TPD52L1: variants seen among roughly 807,000 people sequenced by gnomAD.
The protein encoded by TPD52L1 is tumor protein D53.
TPD52L1 carries 18 observed loss-of-function variants against 28.7 expected under a neutral mutation model. The ratio of observed to expected loss-of-function variants is 0.63; its 90% CI spans 0.43 to 0.93. TPD52L1 has a LOEUF of 0.93. Ranked by LOEUF, TPD52L1 falls within the 40% of genes least tolerant of loss-of-function variation. The pLI, the probability that TPD52L1 is intolerant of heterozygous loss-of-function variation, is 0.00. For missense variants in TPD52L1, 203 were observed against 254.8 expected, an observed-to-expected ratio of 0.80 and a Z score of 1.39; for synonymous variants, 75 against 88.8, an observed-to-expected ratio of 0.84 and a Z score of 0.88.
intron 1 of TPD52L1, among the ~76,000 whole-genome samples, chr6:125,207,104 TC>T (rs1220528532): frequency 6.6e-6 from 1 of 152,158 alleles, no homozygotes; most frequent in Non-Finnish European, 1.5e-5. Flanking sequence ...GTTGATCAAG[TC>T]CTATCAGAAA....
At chr6:125,168,135 A>G (rs1791027993) in intron 1 of TPD52L1, among the ~76,000 whole-genome samples, 1 of 152,148 alleles carries the variant, frequency 6.6e-6, no homozygotes, top group Admixed American at 6.5e-5. Context: ...AATGGAGAGC[A>G]ACAGTAGAAA....
At chr6:125,240,852 C>G (rs1462945454) in intron 3 of TPD52L1, among the ~76,000 whole-genome samples, 1 of 152,000 alleles carries the variant, frequency 6.6e-6, no homozygotes, top group Non-Finnish European at 1.5e-5. Context: ...GCTAAGACTT[C>G]CTGTACTATA....
Position 125,165,325 on chromosome 6 carries a change from G to A in TPD52L1, c.19+11355G>A, listed in dbSNP as rs1426924491. ...TGAGAAGCATTGTTAATGTACCAGG[G>A]AAGGCAGGAGAATATTTTAATGAAT... On this transcript the variant is annotated intron_variant, in intron 1 of 6. Transcript: ENST00000534000. Among the ~76,000 whole-genome samples the A allele has an allele frequency of 2.6e-5, 4 of 151,990 alleles. No individual in the cohort carries two copies. The East Asian group carries it at 7.7e-4, about 29-fold the overall frequency.
intron 1 of TPD52L1, among the ~76,000 whole-genome samples, chr6:125,191,971 A>G (rs2114861247): frequency 6.6e-6 from 1 of 152,368 alleles, no homozygotes; most frequent in African/African-American, 2.4e-5. Context: ...GAACAAAATT[A>G]TGAATGAAGG....
At chr6:125,172,606 A>T (rs1437626585) in intron 1 of TPD52L1, among the ~76,000 whole-genome samples, 1 of 110,976 alleles carries the variant, frequency 9.0e-6, no homozygotes, top group Non-Finnish European at 1.7e-5. Context: ...TATATATATA[A>T]ATATATATAA....
intron 6 of TPD52L1, chr6:125,261,014 GAAA>G (rs1562411790): frequency 1.4e-4 from 6 of 43,052 alleles, no homozygotes; most frequent in African/African-American, 9.6e-4. Context: ...AAGAAAGAAA[GAAA>G]GAAAAGAAAA....
At chr6:125,223,708 CAAAAAAAAAAAAA>C (rs11294390) in intron 2 of TPD52L1, among the ~76,000 whole-genome samples, 3 of 71,502 alleles carry the variant, frequency 4.2e-5, no homozygotes, top group African/African-American at 9.1e-5. Context: ...GATTCCATCT[CAAAAAAAAAAAAA>C]AAAAAAAAAA....
chr6:125,250,213 G>A (rs1797179847), intron 4 of TPD52L1, among the ~76,000 whole-genome samples: 1 of 152,170 alleles, frequency 6.6e-6, no homozygotes, highest in Non-Finnish European at 1.5e-5. Flanking sequence ...AACTAGAATA[G>A]TGCTTCTGCA....
chr6:125,250,110 A>G (rs1797174001), intron 4 of TPD52L1, among the ~76,000 whole-genome samples: 1 of 152,174 alleles, frequency 6.6e-6, no homozygotes, highest in Non-Finnish European at 1.5e-5. Flanking sequence ...TATACCCAAG[A>G]AAACATATTT....
chr6:125,202,864 C>G (rs938295965), intron 1 of TPD52L1, among the ~76,000 whole-genome samples: 6 of 151,138 alleles, frequency 4.0e-5, no homozygotes, highest in African/African-American at 1.5e-4. Flanking sequence ...CTCCCCGGTT[C>G]AAGCAATTCT....
intron 1 of TPD52L1, among the ~76,000 whole-genome samples, chr6:125,177,015 G>C (rs953151091): frequency 1.3e-5 from 2 of 152,194 alleles, no homozygotes; most frequent in Non-Finnish European, 2.9e-5. Context: ...TCCAGCCTGG[G>C]AGACAGAGCC....
intron 4 of TPD52L1, chr6:125,248,601 G>C: frequency 4.0e-6 from 2 of 500,076 alleles, no homozygotes; most frequent in South Asian, 5.6e-5. Context: ...CAGAGTTGCT[G>C]TTTCTACTAG....
Position 125,153,782 on chromosome 6 carries a change from T to C in TPD52L1, c.-170T>C. 3 of 654,100 alleles carry C rather than the reference T, an allele frequency of 4.6e-6. No individual in the cohort carries two copies. Among genetic ancestry groups the C allele is most frequent in the Non-Finnish European group, 4.9e-6 (2 of 405,172 alleles). 40.5% of individuals were successfully genotyped at this position (654,100 alleles called of 1,614,324 possible). ...AGGGGCGGAGGTAACCAGAAGCGGC[T>C]AGTGGCGGCTGCCTGCGTCCCCAAC... is the stretch of plus-strand genomic sequence containing the variant. On this transcript the variant is annotated 5_prime_UTR_variant, in exon 1 of 7. Coordinates refer to ENST00000534000, the MANE Select transcript of TPD52L1 (RefSeq NM_003287.4).
chr6:125,244,860 G>A (rs1340346397), intron 3 of TPD52L1, among the ~76,000 whole-genome samples: 2 of 152,126 alleles, frequency 1.3e-5, no homozygotes, highest in African/African-American at 4.8e-5. Flanking sequence ...TCCCACCACT[G>A]GAAAGATTTG....
intron 1 of TPD52L1, among the ~76,000 whole-genome samples, chr6:125,174,838 G>T (rs1039007928): frequency 1.3e-5 from 2 of 152,154 alleles, no homozygotes; most frequent in African/African-American, 4.8e-5. Context: ...GGAGTGCAAA[G>T]TGCATGGGGA....
intron 1 of TPD52L1, among the ~76,000 whole-genome samples, chr6:125,158,430 T>C (rs560610776): frequency 4.7e-4 from 72 of 152,230 alleles, no homozygotes; most frequent in Non-Finnish European, 7.9e-4. Context: ...CTTTACATTA[T>C]ACTTTATACC....
chr6:125,231,129 G>C (rs1795924286), intron 3 of TPD52L1: 1 of 152,228 alleles, frequency 6.6e-6, no homozygotes, highest in Admixed American at 6.5e-5. Context: ...GGTCACCTCT[G>C]TATTTAATCC....
Position 125,225,661 on chromosome 6 carries a change from TAAAAGG to T in TPD52L1, c.136-3451_136-3446del, listed in dbSNP as rs533124489. On this transcript the variant is annotated intron_variant, in intron 2 of 6. Coordinates refer to ENST00000534000, the MANE Select transcript of TPD52L1 (RefSeq NM_003287.4). ...TTTGCAATGCAGAAATAATTAAAAT[TAAAAGG>T]AAAAGATATATTAAATACTTTAATT... Among the ~76,000 whole-genome samples, 512 of 152,304 alleles carry T rather than the reference TAAAAGG, an allele frequency of 3.4e-3. 4 individuals are homozygous for T. The highest frequency in any genetic ancestry group is 0.024 in the Middle Eastern group (7 of 294).
chr6:125,227,258 T>G (rs1795666915), intron 2 of TPD52L1, among the ~76,000 whole-genome samples: 1 of 152,250 alleles, frequency 6.6e-6, no homozygotes, highest in African/African-American at 2.4e-5. Flanking sequence ...CTGCTTGTTT[T>G]GCTTACGTGA....
Sources: allele counts gnomAD v4.1 joint callset (sites outside exome capture counted in the v4.1 genomes callset), GRCh38; gene constraint gnomAD v4.1.1; transcripts MANE v1.5; gene names NCBI Gene and HGNC (gene_info 2026-07-23, HGNC 2026-07-21).